MARCHF1: variants seen among roughly 807,000 people sequenced by gnomAD.
MARCHF1 encodes membrane associated ring-CH-type finger 1.
MARCHF1 carries 40 observed loss-of-function variants against 54.2 expected under a neutral mutation model. That is an observed-to-expected ratio of 0.74 (90% CI 0.57 to 0.96). The LOEUF (loss-of-function observed/expected upper bound fraction) is 0.96. MARCHF1 is among the 40% of genes least tolerant of loss of function. MARCHF1 has a pLI of 0.00. For synonymous variants in MARCHF1, 236 were observed against 236.3 expected, an observed-to-expected ratio of 1.00 and a Z score of 0.01; for missense variants, 586 against 656.5, an observed-to-expected ratio of 0.89 and a Z score of 1.17.
At chr4:163,818,086 A>C (rs1018272690) in intron 4 of MARCHF1, among the ~76,000 whole-genome samples, 2 of 151,752 alleles carry the variant, frequency 1.3e-5, no homozygotes, top group African/African-American at 4.8e-5. Flanking sequence ...CATTGTGCAC[A>C]TGTACCCTAA....
intron 3 of MARCHF1, chr4:163,932,513 C>A: frequency 2.8e-6 from 1 of 358,522 alleles, no homozygotes; most frequent in Non-Finnish European, 5.5e-6. Flanking sequence ...CTACTTTCAC[C>A]CTGACTCCTG....
At chr4:164,191,269 G>A (rs1319186947) in intron 1 of MARCHF1, among the ~76,000 whole-genome samples, 2 of 152,156 alleles carry the variant, frequency 1.3e-5, no homozygotes, top group African/African-American at 2.4e-5. Context: ...CTTATGCTGT[G>A]TTTGCACAAA....
At chr4:163,945,317 A>T (rs1752002609) in intron 3 of MARCHF1, among the ~76,000 whole-genome samples, 1 of 152,116 alleles carries the variant, frequency 6.6e-6, no homozygotes, top group Admixed American at 6.5e-5. Context: ...AGTCAATACT[A>T]CAAGGAGAAA....
At chr4:163,620,333 T>C (rs927134800) in intron 5 of MARCHF1, among the ~76,000 whole-genome samples, 1 of 152,146 alleles carries the variant, frequency 6.6e-6, no homozygotes, top group Non-Finnish European at 1.5e-5. Flanking sequence ...TGGTACAACT[T>C]ATTTGGAGAG....
intron 1 of MARCHF1, among the ~76,000 whole-genome samples, chr4:164,165,785 T>C (rs1336762178): frequency 1.3e-5 from 2 of 151,942 alleles, no homozygotes; most frequent in Non-Finnish European, 2.9e-5. Flanking sequence ...GCTTCCATCA[T>C]TTTTTAAGAT....
intron 3 of MARCHF1, among the ~76,000 whole-genome samples, chr4:163,854,411 G>A (rs1749715842): frequency 6.6e-6 from 1 of 152,062 alleles, no homozygotes; most frequent in Admixed American, 6.6e-5. Context: ...ATCTCTCTTT[G>A]TGACACTAGT....
chr4:164,009,253 A>G (rs1753365099), intron 2 of MARCHF1, among the ~76,000 whole-genome samples: 1 of 152,136 alleles, frequency 6.6e-6, no homozygotes, highest in African/African-American at 2.4e-5. Context: ...ACCCTGAAAA[A>G]AGAGAAAACC....
At chr4:163,964,196 T>G (rs971947696) in intron 3 of MARCHF1, among the ~76,000 whole-genome samples, 4 of 152,018 alleles carry the variant, frequency 2.6e-5, no homozygotes, top group African/African-American at 9.7e-5. Flanking sequence ...TAGCAAATTT[T>G]ACTGGTGTAT....
chr4:164,230,568 T>C (rs1207456612), intron 1 of MARCHF1, among the ~76,000 whole-genome samples: 1 of 152,122 alleles, frequency 6.6e-6, no homozygotes, highest in Non-Finnish European at 1.5e-5. Context: ...TAGCTATTTT[T>C]ACATATATAA....
intron 1 of MARCHF1, among the ~76,000 whole-genome samples, chr4:164,327,012 C>T (rs928973074): frequency 7.8e-6 from 1 of 128,374 alleles, no homozygotes; most frequent in Non-Finnish European, 1.6e-5. Context: ...TGACTTAGAA[C>T]AATCACTGGC....
chr4:164,321,606 C>G lies in MARCHF1; in HGVS notation c.-323+62264G>C, dbSNP rs558363507. 4.6e-5 allele frequency among the ~76,000 whole-genome samples: 7 copies of G among 152,026 alleles called. No homozygotes were observed. In the East Asian group the frequency reaches 1.4e-3, roughly 29 times the overall value. ...TTTAATGGAAAAACATCTAGAAGACCCCTGAAATTCAAGGACTGCAACCCA... is the reference window on the plus strand; with the variant it reads ...TTTAATGGAAAAACATCTAGAAGACGCCTGAAATTCAAGGACTGCAACCCA... On this transcript the variant is annotated intron_variant, in intron 1 of 9. Coordinates refer to ENST00000514618, the MANE Select transcript of MARCHF1 (RefSeq NM_001394959.1).
At chr4:163,590,255 T>TAA (rs371898817) in intron 7 of MARCHF1, among the ~76,000 whole-genome samples, 2 of 129,774 alleles carry the variant, frequency 1.5e-5, no homozygotes, top group Non-Finnish European at 3.3e-5. Flanking sequence ...AACTCATCAC[T>TAA]AAAAAAAAAA....
At chr4:163,892,056 T>C (rs1315184770) in intron 3 of MARCHF1, among the ~76,000 whole-genome samples, 3 of 152,104 alleles carry the variant, frequency 2.0e-5, no homozygotes, top group African/African-American at 7.2e-5. Flanking sequence ...CTCACTGACA[T>C]TGTAACAATT....
At chr4:164,363,766 C>T (rs965688105) in intron 1 of MARCHF1, among the ~76,000 whole-genome samples, 8 of 150,100 alleles carry the variant, frequency 5.3e-5, no homozygotes, top group East Asian at 2.0e-4. Context: ...ATTAATAAGC[C>T]GTGTGTGTGT....
intron 2 of MARCHF1, among the ~76,000 whole-genome samples, chr4:164,071,484 A>C (rs1268680884): frequency 2.0e-5 from 3 of 152,148 alleles, no homozygotes; most frequent in Non-Finnish European, 4.4e-5. Context: ...AAATGTTACA[A>C]ACTAGTGATA....
chr4:163,576,421 ATTTT>A (rs1190071556), intron 8 of MARCHF1, among the ~76,000 whole-genome samples: 1 of 151,862 alleles, frequency 6.6e-6, no homozygotes, highest in Non-Finnish European at 1.5e-5. Context: ...TATGATTTAG[ATTTT>A]TTTGAGTTTA....
At chr4:163,835,709 T>G (rs184911634) in intron 4 of MARCHF1, among the ~76,000 whole-genome samples, 3 of 152,324 alleles carry the variant, frequency 2.0e-5, no homozygotes, top group Admixed American at 6.5e-5. Context: ...CAATTTAACT[T>G]TAAATTTAAT....
chr4:164,327,090 T>C (rs942182325), intron 1 of MARCHF1, among the ~76,000 whole-genome samples: 1 of 151,930 alleles, frequency 6.6e-6, no homozygotes, highest in African/African-American at 2.4e-5. Flanking sequence ...AATATATTTA[T>C]TGAGTGTCTA....
chr4:164,354,366 A>G (rs1411998264), intron 1 of MARCHF1, among the ~76,000 whole-genome samples: 2 of 137,310 alleles, frequency 1.5e-5, no homozygotes, highest in African/African-American at 5.4e-5. Flanking sequence ...AATCCTCAAT[A>G]AAATACTGGA....
Sources: gnomAD v4.1 joint callset for allele counts (sites outside exome capture counted in the v4.1 genomes callset) on GRCh38, gnomAD v4.1.1 for gene constraint, MANE v1.5 for transcripts, NCBI Gene and HGNC (gene_info 2026-07-23, HGNC 2026-07-21) for gene names.